Variants in KATNA1 observed in about 807,000 individuals in gnomAD.
The protein encoded by KATNA1 is katanin p60 ATPase-containing subunit A1.
A neutral mutation model predicts 62.6 loss-of-function variants in KATNA1; 42 were observed. The ratio of observed to expected loss-of-function variants is 0.67; its 90% CI spans 0.52 to 0.87. KATNA1 has a LOEUF of 0.87. Ranked by LOEUF, KATNA1 falls within the 40% of genes least tolerant of loss-of-function variation. KATNA1 has a pLI of 0.00. For synonymous variants in KATNA1, 186 were observed against 201.9 expected (o/e 0.92, Z 0.67); for missense variants, 498 against 612.5 (o/e 0.81, Z 1.97).
chr6:149,603,676 G>T (rs547264226), intron 5 of KATNA1, among the ~76,000 whole-genome samples: 1 of 152,124 alleles, frequency 6.6e-6, no homozygotes, highest in South Asian at 2.1e-4. Flanking sequence ...TGCTCTTATG[G>T]TCCTCATTCC....
At chr6:149,602,157 G>T (rs1242595036) in intron 6 of KATNA1, among the ~76,000 whole-genome samples, 1 of 152,128 alleles carries the variant, frequency 6.6e-6, no homozygotes, top group Non-Finnish European at 1.5e-5. Context: ...ACGAGGTCAG[G>T]AGATTGGGAC....
intron 4 of KATNA1, among the ~76,000 whole-genome samples, chr6:149,621,057 A>G (rs1328689101): frequency 6.6e-6 from 1 of 152,110 alleles, no homozygotes; most frequent in Non-Finnish European, 1.5e-5. Context: ...GAGACCAAGC[A>G]GACACCACCT....
chr6:149,617,271 C>G (rs992075179), intron 4 of KATNA1, among the ~76,000 whole-genome samples: 1 of 152,134 alleles, frequency 6.6e-6, no homozygotes, highest in Non-Finnish European at 1.5e-5. Context: ...TGTGAATGTA[C>G]TACTTAATAC....
At position 149,597,098 on chromosome 6, in the gene KATNA1, T is replaced by C. The variant is rs765617009; in HGVS notation, c.1242A>G (p.Glu414=). The C allele has an allele frequency of 7.4e-6, 12 of 1,614,048 alleles. 1 individual carries two copies. The South Asian group carries it at 1.3e-4, about 18-fold the overall frequency. ...VDLASIAENM[E]GYSGADITNV... ...TGGTAATGTCCGCACCTGAATAACC[T>C]TCCATGTTTTCTGCTATACTTGCAA... Residue 414 remains glutamate (E), a synonymous_variant, in exon 10 of 11, where the codon GAA becomes GAG. Coordinates refer to ENST00000367411, the MANE Select transcript of KATNA1 (RefSeq NM_007044.4).
At position 149,595,041 on chromosome 6, in the gene KATNA1, A is replaced by T. The variant is rs1778244027; in HGVS notation, c.1471T>A (p.Cys491Ser). 1 of 1,613,128 alleles carries T rather than the reference A, an allele frequency of 6.2e-7. No homozygotes were observed. The highest frequency in any genetic ancestry group is 8.5e-7 in the Non-Finnish European group (1 of 1,179,164). ...CACAGTTTACATGTGAGAATTTAGC[A>T]TGATCCAAACTCAAATATCCATTTC... is the stretch of plus-strand genomic sequence containing the variant. ...YEKWIFEFGS[C>S] The change falls in exon 11 of 11, where the codon TGC becomes AGC. Residue 491 changes from cysteine to serine, a missense_variant. Coordinates refer to ENST00000367411, the MANE Select transcript of KATNA1 (RefSeq NM_007044.4).
intron 3 of KATNA1, 55 bp from the exon 4 acceptor site, chr6:149,623,338 C>A: frequency 7.7e-7 from 1 of 1,296,860 alleles, no homozygotes. Flanking sequence ...TGGATGAACA[C>A]ACATACTGTG....
intron 4 of KATNA1, among the ~76,000 whole-genome samples, chr6:149,621,479 C>T (rs1779391515): frequency 6.6e-6 from 1 of 151,078 alleles, no homozygotes; most frequent in Non-Finnish European, 1.5e-5. Context: ...CAATGGTATG[C>T]CTGCCAAAAA....
At chr6:149,623,412 A>G in intron 3 of KATNA1, 129 bp from the exon 4 acceptor site, 1 of 593,550 alleles carries the variant, frequency 1.7e-6, no homozygotes, top group East Asian at 3.1e-5. Flanking sequence ...ACGACTGAAT[A>G]AACTTCAGGA....
intron 2 of KATNA1, among the ~76,000 whole-genome samples, chr6:149,633,468 G>A (rs1431751500): frequency 6.6e-6 from 1 of 152,020 alleles, no homozygotes; most frequent in Non-Finnish European, 1.5e-5. Flanking sequence ...AAACATCCAC[G>A]CCTGTAATCC....
At chr6:149,613,204 A>AT in intron 4 of KATNA1, among the ~76,000 whole-genome samples, 2 of 141,890 alleles carry the variant, frequency 1.4e-5, no homozygotes, top group African/African-American at 5.4e-5. Flanking sequence ...AAAAAAAAAA[A>AT]AAAAAAAAAA....
At chr6:149,644,030 TTCCTGA>T (rs1283531713) in intron 1 of KATNA1, among the ~76,000 whole-genome samples, 1 of 151,892 alleles carries the variant, frequency 6.6e-6, no homozygotes, top group Non-Finnish European at 1.5e-5. Flanking sequence ...CCTTGTCCAG[TTCCTGA>T]CCCTCAGCAT....
At chr6:149,640,411 T>C (rs756317515) in intron 1 of KATNA1, among the ~76,000 whole-genome samples, 1 of 151,768 alleles carries the variant, frequency 6.6e-6, no homozygotes, top group Admixed American at 6.6e-5. Flanking sequence ...TAAGCCGAGA[T>C]AGTGCCACTG....
chr6:149,597,041 A>G (rs903678354), intron 10 of KATNA1, 22 bp downstream of exon 10: 3 of 1,607,858 alleles, frequency 1.9e-6, no homozygotes, highest in Middle Eastern at 1.7e-4. Flanking sequence ...ACAAAAACCT[A>G]TGCTTCCATG....
chr6:149,623,465 G>A (rs760435253), intron 3 of KATNA1, among the ~76,000 whole-genome samples, 182 bp from the exon 4 acceptor site: 17 of 152,082 alleles, frequency 1.1e-4, no homozygotes, highest in East Asian at 1.9e-4. Context: ...GGCAAGGCGC[G>A]GTGGCTCACA....
At chr6:149,645,401 C>T (rs192493993) in intron 1 of KATNA1, among the ~76,000 whole-genome samples, 276 of 151,450 alleles carry the variant, frequency 1.8e-3, no homozygotes, top group African/African-American at 6.5e-3. Flanking sequence ...CAAGCTCGCG[C>T]CACTGCACTC....
At chr6:149,601,481 C>T in intron 7 of KATNA1, 113 bp downstream of exon 7, 1 of 882,282 alleles carries the variant, frequency 1.1e-6, no homozygotes, top group South Asian at 2.2e-5. Context: ...AGGACTCATA[C>T]TCTGGGCAAA....
chr6:149,606,972 T>C (rs1019032939), intron 4 of KATNA1, among the ~76,000 whole-genome samples: 1 of 152,192 alleles, frequency 6.6e-6, no homozygotes, highest in Non-Finnish European at 1.5e-5. Context: ...TCAAAGTATT[T>C]ATAAAGTTGT....
intron 3 of KATNA1, among the ~76,000 whole-genome samples, chr6:149,626,971 G>A (rs1048471923): frequency 8.6e-5 from 13 of 151,876 alleles, no homozygotes; most frequent in African/African-American, 2.9e-4. Flanking sequence ...GCAACAGAGT[G>A]AGACTCCATC....
Position 149,638,394 on chromosome 6 carries a change from A to T in KATNA1, c.154T>A (p.Trp52Arg). ...GCAGCCATTACTCTCACCTGTTGCC[A>T]TTTCTGCTGGAGGTATGTATCTTTG... ...SVKDTYLQQK[W>R]QQVWQEINVE... The change falls in exon 2 of 11, where the codon TGG (tryptophan) becomes AGG (arginine). Residue 52 changes from tryptophan to arginine, a missense_variant. By Grantham distance (101) the Trp-to-Arg change is moderately radical. This residue lies in a region of KATNA1 where 203 missense variants were observed against 198.4 expected (regional missense o/e 1.02). Coordinates refer to ENST00000367411, the MANE Select transcript of KATNA1 (RefSeq NM_007044.4). The T allele has an allele frequency of 1.2e-6, 2 of 1,612,064 alleles. No homozygotes were observed. Among genetic ancestry groups the T allele is most frequent in the Non-Finnish European group, 1.7e-6 (2 of 1,179,516 alleles).
Sources: allele counts gnomAD v4.1 joint callset (sites outside exome capture counted in the v4.1 genomes callset), GRCh38; gene constraint gnomAD v4.1.1; regional missense constraint gnomAD v4.1.1; transcripts MANE v1.5; gene names NCBI Gene and HGNC (gene_info 2026-07-23, HGNC 2026-07-21).